NR6A1: variants seen among roughly 807,000 people sequenced by gnomAD.
NR6A1 encodes the protein retinoic acid receptor-related testis-associated receptor.
A neutral mutation model predicts 59.1 loss-of-function variants in NR6A1; 7 were observed. That is an observed-to-expected ratio of 0.12 (90% confidence interval 0.07 to 0.22). The LOEUF (loss-of-function observed/expected upper bound fraction) is 0.22. NR6A1 is among the 10% of genes least tolerant of loss of function. The probability of loss-of-function intolerance (pLI) is 1.00; values close to 1 mark genes in which losing one functional copy is unlikely to be tolerated. For missense variants in NR6A1, 468 were observed against 611.6 expected (o/e 0.77, Z 2.48); for synonymous variants, 243 against 236.1 (o/e 1.03, Z -0.27).
At chr9:124,716,857 G>A (rs770917607) in intron 2 of NR6A1, among the ~76,000 whole-genome samples, 14 of 152,042 alleles carry the variant, frequency 9.2e-5, no homozygotes, top group Admixed American at 2.0e-4. Context: ...CACTGGTCTC[G>A]AACTCCTGGG....
intron 3 of NR6A1, among the ~76,000 whole-genome samples, chr9:124,544,834 G>A (rs1245857573): frequency 1.3e-5 from 2 of 152,170 alleles, no homozygotes; most frequent in South Asian, 2.1e-4. Context: ...GGAGCTTGAG[G>A]ACAAGAAGGA....
intron 2 of NR6A1, among the ~76,000 whole-genome samples, chr9:124,725,982 TAAGGGAAAAG>T (rs1839705418): frequency 6.6e-6 from 1 of 152,148 alleles, no homozygotes. Flanking sequence ...TGTAGCTACT[TAAGGGAAAAG>T]AAGGGTTTTT....
chr9:124,633,327 C>A (rs7852623), intron 2 of NR6A1, among the ~76,000 whole-genome samples: 3,503 of 147,662 alleles, frequency 0.024, 115 homozygotes, highest in East Asian at 0.099. Flanking sequence ...GGCGTGAACC[C>A]GGGAGGCGGA....
At chr9:124,697,487 A>G (rs1319155173) in intron 2 of NR6A1, among the ~76,000 whole-genome samples, 1 of 152,160 alleles carries the variant, frequency 6.6e-6, no homozygotes. Context: ...GAAGTGATGT[A>G]TAAGTAAAGA....
intron 2 of NR6A1, among the ~76,000 whole-genome samples, chr9:124,681,444 C>T (rs751253630): frequency 2.0e-5 from 3 of 148,646 alleles, no homozygotes; most frequent in Admixed American, 6.9e-5. Flanking sequence ...CGGGTTCAGG[C>T]GATTCTCCTG....
chr9:124,678,037 T>C (rs1838015527), intron 2 of NR6A1, among the ~76,000 whole-genome samples: 2 of 152,220 alleles, frequency 1.3e-5, no homozygotes, highest in Admixed American at 6.5e-5. Flanking sequence ...GACTGTTTCT[T>C]GAAAAAAGCC....
At chr9:124,571,086 G>C (rs1195639858) in intron 2 of NR6A1, among the ~76,000 whole-genome samples, 1 of 152,188 alleles carries the variant, frequency 6.6e-6, no homozygotes, top group Non-Finnish European at 1.5e-5. Context: ...ACTGAAGAGT[G>C]AATGAGTCAT....
At chr9:124,689,896 A>C (rs570851686) in intron 2 of NR6A1, among the ~76,000 whole-genome samples, 1 of 152,256 alleles carries the variant, frequency 6.6e-6, no homozygotes, top group Non-Finnish European at 1.5e-5. Context: ...CTTTGTCATC[A>C]GTTATATTTA....
At chr9:124,747,177 C>A (rs1424261446) in intron 1 of NR6A1, among the ~76,000 whole-genome samples, 2 of 148,870 alleles carry the variant, frequency 1.3e-5, no homozygotes, top group African/African-American at 2.5e-5. Context: ...ATTATACAGA[C>A]CTTGTCTGAC....
At chr9:124,611,868 G>A (rs981067217) in intron 2 of NR6A1, among the ~76,000 whole-genome samples, 10 of 152,036 alleles carry the variant, frequency 6.6e-5, no homozygotes, top group Non-Finnish European at 1.2e-4. Flanking sequence ...GGATGGGTAG[G>A]TCAAGATGAA....
chr9:124,730,555 C>CTTTTTT lies in NR6A1; in HGVS notation c.142+2747_142+2752dup, dbSNP rs56330244. ...CTGCCAGTAAGTACAATTTTTTAGTCTTTTTTTTTTTTTTTTTTGGTGACT... is the reference window on the plus strand; with the variant it reads ...CTGCCAGTAAGTACAATTTTTTAGTCTTTTTTTTTTTTTTTTTTTTTTTTGGTGACT... On this transcript the variant is annotated intron_variant, in intron 2 of 9. Coordinates refer to ENST00000487099, the MANE Select transcript of NR6A1 (RefSeq NM_033334.4). Among the ~76,000 whole-genome samples, 60 of 123,122 alleles carry CTTTTTT rather than the reference C, an allele frequency of 4.9e-4. 2 individuals carry two copies. In the South Asian group the frequency reaches 0.015, roughly 30 times the overall value. The allele number at this position is 123,122 out of a possible 152,430, so 80.8% of individuals were successfully genotyped here. A position where few individuals can be genotyped will look rare whatever the true frequency, so the allele number is the denominator to read the frequency against.
At chr9:124,678,766 T>G (rs1395429235) in intron 2 of NR6A1, among the ~76,000 whole-genome samples, 1 of 152,156 alleles carries the variant, frequency 6.6e-6, no homozygotes, top group Non-Finnish European at 1.5e-5. Context: ...AAGGGGATAT[T>G]TGGATAAATT....
intron 3 of NR6A1, among the ~76,000 whole-genome samples, chr9:124,552,823 T>C (rs1418995175): frequency 6.6e-6 from 1 of 152,158 alleles, no homozygotes; most frequent in Admixed American, 6.5e-5. Context: ...ACCACCTAAA[T>C]TTATCTAAAT....
chr9:124,546,652 T>G (rs1280831812), intron 3 of NR6A1, among the ~76,000 whole-genome samples: 1 of 152,198 alleles, frequency 6.6e-6, no homozygotes, highest in Non-Finnish European at 1.5e-5. Context: ...TAACTTTGAT[T>G]TTTAAAAGTT....
At chr9:124,525,002 A>G (rs1832893100) in intron 8 of NR6A1, 129 bp from the exon 9 acceptor site, 1 of 1,061,740 alleles carries the variant, frequency 9.4e-7, no homozygotes, top group Admixed American at 3.0e-5. Context: ...ACAACAGGAG[A>G]TCTCCTCTGA....
chr9:124,605,508 A>T (rs2130830425), intron 2 of NR6A1, among the ~76,000 whole-genome samples: 2 of 152,192 alleles, frequency 1.3e-5, no homozygotes, highest in South Asian at 4.2e-4. Context: ...CAAGAGTGAG[A>T]GTCTGTCTCT....
intron 7 of NR6A1, among the ~76,000 whole-genome samples, chr9:124,535,613 G>A (rs558085548): frequency 1.4e-4 from 21 of 152,294 alleles, no homozygotes; most frequent in African/African-American, 2.9e-4. Flanking sequence ...TTACAGCTTA[G>A]CATTCTGCTA....
intron 3 of NR6A1, among the ~76,000 whole-genome samples, chr9:124,549,406 C>T (rs2131374709): frequency 1.3e-5 from 2 of 152,232 alleles, no homozygotes; most frequent in South Asian, 4.1e-4. Flanking sequence ...TGAAAATCAC[C>T]TTAAGGAGCC....
intron 8 of NR6A1, 104 bp downstream of exon 8, chr9:124,526,675 C>G: frequency 6.6e-7 from 1 of 1,513,032 alleles, no homozygotes; most frequent in South Asian, 1.2e-5. Context: ...GTGATGGATT[C>G]TGTGTGATAG....
Sources: allele counts gnomAD v4.1 joint callset (sites outside exome capture counted in the v4.1 genomes callset), GRCh38; gene constraint gnomAD v4.1.1; transcripts MANE v1.5; gene names NCBI Gene and HGNC (gene_info 2026-07-23, HGNC 2026-07-21).